Variants in LUZP4 observed in about 807,000 individuals in gnomAD.
LUZP4 encodes the protein HOM-TES-85 tumor antigen.
LUZP4 carries 11 observed loss-of-function variants against 8.5 expected under a neutral mutation model. The observed-to-expected ratio is 1.30, with a 90% CI of 0.82 to 2.14. LUZP4 has a LOEUF of 2.14. LUZP4 is among the 30% of genes most tolerant of loss of function. LUZP4 has a pLI of 0.00. For missense variants in LUZP4, 276 were observed against 229.7 expected (o/e 1.20, Z -1.30); for synonymous variants, 104 against 79.4 (o/e 1.31, Z -1.65).
rs1556604298 is a variant in LUZP4, at chrX:115,306,649, CAGAG to C, written c.791_794del (p.Arg264IlefsTer3). 8.3e-7 allele frequency: 1 copy of C among 1,210,736 alleles called. No individual in the cohort carries two copies. Among genetic ancestry groups the C allele is most frequent in the Admixed American group, 2.2e-5 (1 of 45,932 alleles). On this transcript the variant is annotated frameshift_variant, in exon 4 of 4. Coordinates refer to ENST00000371920, the MANE Select transcript of LUZP4 (RefSeq NM_016383.5). LOFTEE classifies it low-confidence loss of function (END_TRUNC). The stretch of plus-strand genomic sequence containing the variant: ...CACTCAGAAAGATCTCATAGCCACT[CAGAG>C]AGATCTCATAGCCACTCAGAGAGAT...
In LUZP4 at chrX:115,293,136, A is replaced by C. The variant is rs148317463; in HGVS notation, c.91+3286A>C. On this transcript the variant is annotated intron_variant, in intron 1 of 3. Coordinates refer to ENST00000371920, the MANE Select transcript of LUZP4 (RefSeq NM_016383.5). ...GTTAATAGGGATAATTAATATTTTA[A>C]TGAAATATTTAAAAAATCAAATGGA... Among the ~76,000 whole-genome samples the C allele has an allele frequency of 5.4e-3, 602 of 111,938 alleles. 1 individual carries two copies. The highest frequency in any genetic ancestry group is 0.019 in the African/African-American group (581 of 30,780).
chrX:115,292,881 G>A (rs1336619908), intron 1 of LUZP4, among the ~76,000 whole-genome samples: 4 of 111,042 alleles, frequency 3.6e-5, no homozygotes, highest in Non-Finnish European at 7.5e-5. Flanking sequence ...GATGTTTTTA[G>A]CAATCTATTT....
chrX:115,295,726 C>A, intron 1 of LUZP4, among the ~76,000 whole-genome samples: 1 of 108,578 alleles, frequency 9.2e-6, no homozygotes, highest in Non-Finnish European at 1.9e-5. Flanking sequence ...AAAATAAGAC[C>A]AAAATTCGAA....
chrX:115,295,358 C>T (rs1275488825), intron 1 of LUZP4, among the ~76,000 whole-genome samples: 2 of 111,821 alleles, frequency 1.8e-5, no homozygotes, highest in South Asian at 3.7e-4. Context: ...GGATTACAGC[C>T]GTGAGCCACC....
At chrX:115,299,009 A>G (rs1461139641) in intron 1 of LUZP4, among the ~76,000 whole-genome samples, 1 of 111,809 alleles carries the variant, frequency 8.9e-6, no homozygotes, top group Non-Finnish European at 1.9e-5. Context: ...ACTTTAGGGG[A>G]CATCGCAAGC....
At chrX:115,292,699 G>A (rs191258617) in intron 1 of LUZP4, among the ~76,000 whole-genome samples, 2 of 110,909 alleles carry the variant, frequency 1.8e-5, no homozygotes, top group Non-Finnish European at 3.8e-5. Flanking sequence ...ACTTGTTTCT[G>A]ATCTTAGGGA....
intron 3 of LUZP4, among the ~76,000 whole-genome samples, chrX:115,303,681 T>A (rs1556602626): frequency 8.9e-6 from 1 of 112,415 alleles, no homozygotes; most frequent in African/African-American, 3.2e-5. Flanking sequence ...TATTAATTAT[T>A]GTCATTAATC....
chrX:115,306,958 C>A lies in LUZP4; in HGVS notation c.*154C>A, dbSNP rs2073426481. On this transcript the variant is annotated 3_prime_UTR_variant, in exon 4 of 4. Coordinates refer to ENST00000371920, the MANE Select transcript of LUZP4 (RefSeq NM_016383.5). ...ATACATAGTATCAATATTGTTTCAA[C>A]TTGATGTCCTCTAAGCTATCATCCA... 3.7e-6 allele frequency: 2 copies of A among 534,608 alleles called. No homozygotes were observed. Among genetic ancestry groups the A allele is most frequent in the Non-Finnish European group, 6.0e-6 (2 of 333,973 alleles). 44.1% of individuals were successfully genotyped at this position (534,608 alleles called of 1,213,427 possible).
At chrX:115,304,968 C>G (rs1216621106) in intron 3 of LUZP4, among the ~76,000 whole-genome samples, 3 of 112,080 alleles carry the variant, frequency 2.7e-5, no homozygotes, top group Non-Finnish European at 5.6e-5. Flanking sequence ...TTTGTTCACC[C>G]CATGTATTTA....
chrX:115,297,159 T>A (rs2073374268), intron 1 of LUZP4, among the ~76,000 whole-genome samples: 1 of 112,008 alleles, frequency 8.9e-6, no homozygotes, highest in South Asian at 3.7e-4. Flanking sequence ...GTCACCCTGT[T>A]GTGCTATCAA....
Position 115,306,379 on chromosome X carries a change from T to C in LUZP4, c.517T>C (p.Ser173Pro), listed in dbSNP as rs1556603896. 3 of 1,210,918 alleles carry C rather than the reference T, an allele frequency of 2.5e-6. No homozygotes were observed. The highest frequency in any genetic ancestry group is 3.4e-6 in the Non-Finnish European group (3 of 895,046). ...CCACTTAGAGAGATCTCTTTCTCAG[T>C]CAGACAGATCTCAAGGGCAGCTAAA... The part of the protein sequence containing the change: ...RNHLERSLSQ[S>P]DRSQGQLKRH... Residue 173 changes from serine to proline, a missense_variant, in exon 4 of 4, where the codon TCA becomes CCA. Physicochemically the swap from Ser to Pro is moderately conservative, Grantham distance 74 (BLOSUM62 -1). Transcript: ENST00000371920.
intron 3 of LUZP4, among the ~76,000 whole-genome samples, chrX:115,305,977 T>C (rs2073418218): frequency 8.9e-6 from 1 of 111,769 alleles, no homozygotes; most frequent in Admixed American, 9.6e-5. Context: ...ATTTTCCATA[T>C]TTTTATTTTA....
chrX:115,305,862 T>C (rs1311794569), intron 3 of LUZP4, among the ~76,000 whole-genome samples: 1 of 112,282 alleles, frequency 8.9e-6, no homozygotes. Context: ...CTACAAAATA[T>C]TCTATCAAAG....
At chrX:115,297,165 A>G (rs1388383716) in intron 1 of LUZP4, among the ~76,000 whole-genome samples, 1 of 112,009 alleles carries the variant, frequency 8.9e-6, no homozygotes, top group African/African-American at 3.2e-5. Flanking sequence ...CTGTTGTGCT[A>G]TCAAATAGTA....
chrX:115,302,088 A>G lies in LUZP4; in HGVS notation c.188A>G (p.Gln63Arg). 1 of 1,196,852 alleles carries G rather than the reference A, an allele frequency of 8.4e-7. No homozygotes were observed. The highest frequency in any genetic ancestry group is 1.1e-6 in the Non-Finnish European group (1 of 889,139). ...NHSKKESPSRQQSKAHRHRHR... is the reference protein window; with the variant it reads ...NHSKKESPSRRQSKAHRHRHR... ...AGTAAAAAGGAATCGCCTTCAAGAC[A>G]GCAATCAAAAGCTCATAGACATCGC... is the stretch of plus-strand genomic sequence containing the variant. The change falls in exon 2 of 4, where the codon CAG becomes CGG. Residue 63 changes from glutamine to arginine, a missense_variant. Transcript: ENST00000371920.
intron 1 of LUZP4, among the ~76,000 whole-genome samples, chrX:115,293,969 A>G (rs986523482): frequency 9.0e-6 from 1 of 111,247 alleles, no homozygotes; most frequent in South Asian, 3.7e-4. Context: ...AAAATAAAAA[A>G]AGATTGAAAA....
intron 3 of LUZP4, among the ~76,000 whole-genome samples, chrX:115,303,978 T>G (rs781971509): frequency 8.9e-6 from 1 of 112,476 alleles, no homozygotes; most frequent in Admixed American, 9.4e-5. Context: ...ATAAACTGAT[T>G]CTTCTTAAGG....
At chrX:115,295,299 G>A (rs1470021058) in intron 1 of LUZP4, among the ~76,000 whole-genome samples, 6 of 111,468 alleles carry the variant, frequency 5.4e-5, no homozygotes, top group Non-Finnish European at 1.1e-4. Context: ...GGCTGGTCTC[G>A]AACTCGTGGG....
intron 1 of LUZP4, among the ~76,000 whole-genome samples, chrX:115,292,140 T>C (rs925743382): frequency 8.9e-6 from 1 of 112,341 alleles, no homozygotes; most frequent in African/African-American, 3.2e-5. Flanking sequence ...TTTGATAAAA[T>C]ACAATTTATC....
Sources: allele counts gnomAD v4.1 joint callset (sites outside exome capture counted in the v4.1 genomes callset), GRCh38; gene constraint gnomAD v4.1.1; transcripts MANE v1.5; gene names NCBI Gene and HGNC (gene_info 2026-07-23, HGNC 2026-07-21).